GABRG3: variants seen among roughly 807,000 people sequenced by gnomAD.
GABRG3 encodes the protein gamma-aminobutyric acid type A receptor subunit gamma3, also known as gamma-aminobutyric acid receptor subunit gamma-3.
Under a neutral mutation model 48.8 loss-of-function variants are expected in GABRG3, and 25 were observed. The observed-to-expected ratio is 0.51, with a 90% CI of 0.37 to 0.72. GABRG3 has a LOEUF of 0.72. Ranked by LOEUF, GABRG3 falls within the 30% of genes least tolerant of loss-of-function variation. The pLI, the probability that GABRG3 is intolerant of heterozygous loss-of-function variation, is 0.00. For missense variants in GABRG3, 394 were observed against 577.9 expected (o/e 0.68, Z 3.26); for synonymous variants, 227 against 217.6 (o/e 1.04, Z -0.38).
intron 3 of GABRG3, among the ~76,000 whole-genome samples, chr15:27,116,256 G>A (rs1258187568): frequency 6.6e-6 from 1 of 152,138 alleles, no homozygotes; most frequent in Non-Finnish European, 1.5e-5. Flanking sequence ...GAACCTAGCT[G>A]GACTCAGAGG....
Position 27,308,631 on chromosome 15 carries a change from A to C in GABRG3, c.271-18178A>C, listed in dbSNP as rs575554974. ...TAAACATACGCTTATATATAAACATATAATGTAAACATACGCTTATGTATA... is the reference window on the plus strand; with the variant it reads ...TAAACATACGCTTATATATAAACATCTAATGTAAACATACGCTTATGTATA... On this transcript the variant is annotated intron_variant, in intron 3 of 9. Coordinates refer to ENST00000615808, the MANE Select transcript of GABRG3 (RefSeq NM_033223.5). 1.1e-4 allele frequency among the ~76,000 whole-genome samples: 5 copies of C among 45,190 alleles called. No homozygotes were observed. In the East Asian group the frequency reaches 1.3e-3, roughly 12 times the overall value. The allele number at this position is 45,190 out of a possible 152,430, so 29.6% of individuals were successfully genotyped here. A position where few individuals can be genotyped will look rare whatever the true frequency, so the allele number is the denominator to read the frequency against.
Position 27,399,066 on chromosome 15 carries a change from T to C in GABRG3, c.574+70178T>C, listed in dbSNP as rs145544820. On this transcript the variant is annotated intron_variant, in intron 5 of 9. Coordinates refer to ENST00000615808, the MANE Select transcript of GABRG3 (RefSeq NM_033223.5). ...TTGAAAATTGAGCATGGCAGACCTT[T>C]CCTCTCATCCACAAATCTAAATGAA... Among the ~76,000 whole-genome samples, 583 of 152,258 alleles carry C rather than the reference T, an allele frequency of 3.8e-3. 6 individuals carry two copies. Among genetic ancestry groups the C allele is most frequent in the African/African-American group, 0.013 (546 of 41,558 alleles).
At position 27,388,258 on chromosome 15, in the gene GABRG3, GA is replaced by G. The variant is rs1163078516; in HGVS notation, c.574+59373del. Among the ~76,000 whole-genome samples the G allele has an allele frequency of 1.7e-3, 97 of 57,068 alleles. 7 individuals are homozygous for G. Among genetic ancestry groups the G allele is most frequent in the East Asian group, 5.9e-3 (6 of 1,010 alleles). 37.4% of individuals were successfully genotyped at this position (57,068 alleles called of 152,430 possible). A position where few individuals can be genotyped will look rare whatever the true frequency, so the allele number is the denominator to read the frequency against. ...GGAGGGAGGGAGGAAAGGAAGGAAG[GA>G]AAGGAGGGAGGGAGGGTAAGGAAGG... On this transcript the variant is annotated intron_variant, in intron 5 of 9. Coordinates refer to ENST00000615808, the MANE Select transcript of GABRG3 (RefSeq NM_033223.5).
chr15:26,996,052 A>AT lies in GABRG3; in HGVS notation c.202+18906dup, dbSNP rs1895334522. 2.6e-5 allele frequency among the ~76,000 whole-genome samples: 4 copies of AT among 152,156 alleles called. No homozygotes were observed. The Middle Eastern group carries it at 0.014, about 518-fold the overall frequency. ...TTGTTAGATATATGTAGTTAAATATATTTTATTATTGTTAAATATATTACT... is the reference window on the plus strand; with the variant it reads ...TTGTTAGATATATGTAGTTAAATATATTTTTATTATTGTTAAATATATTACT... On this transcript the variant is annotated intron_variant, in intron 2 of 9. Coordinates refer to ENST00000615808, the MANE Select transcript of GABRG3 (RefSeq NM_033223.5).
At chr15:27,499,843 G>C (rs1331701421) in intron 6 of GABRG3, among the ~76,000 whole-genome samples, 1 of 152,240 alleles carries the variant, frequency 6.6e-6, no homozygotes, top group Non-Finnish European at 1.5e-5. Flanking sequence ...CTCACCCCAG[G>C]AGTCAAGAAA....
chr15:27,099,655 A>G (rs969118027), intron 3 of GABRG3, among the ~76,000 whole-genome samples: 1 of 152,094 alleles, frequency 6.6e-6, no homozygotes, highest in Non-Finnish European at 1.5e-5. Context: ...TCATGTTGTA[A>G]TATCCAGAGC....
chr15:27,459,768 C>T (rs1889393935), intron 5 of GABRG3, among the ~76,000 whole-genome samples: 1 of 152,184 alleles, frequency 6.6e-6, no homozygotes, highest in Admixed American at 6.5e-5. Flanking sequence ...ACCCACACTT[C>T]CTTGTAAGTA....
At chr15:27,497,536 T>TAAA (rs1890516053) in intron 6 of GABRG3, among the ~76,000 whole-genome samples, 1 of 152,204 alleles carries the variant, frequency 6.6e-6, no homozygotes, top group Non-Finnish European at 1.5e-5. Flanking sequence ...TTTGCCTTAT[T>TAAA]TTACTGAATG....
In GABRG3 at chr15:27,351,987, GGT is replaced by G. The variant is rs557013854; in HGVS notation, c.574+23110_574+23111del. Among the ~76,000 whole-genome samples the G allele has an allele frequency of 3.8e-4, 57 of 149,168 alleles. 1 individual carries two copies. The highest frequency in any genetic ancestry group is 1.0e-3 in the African/African-American group (42 of 40,474). On this transcript the variant is annotated intron_variant, in intron 5 of 9. Coordinates refer to ENST00000615808, the MANE Select transcript of GABRG3 (RefSeq NM_033223.5). ...GTATGTCTGTATAATGTGTGTGTAT[GGT>G]GTGTGTGTGTATATATGATGTGTGG...
chr15:27,020,030 GCACC>G (rs376835877), intron 2 of GABRG3, among the ~76,000 whole-genome samples: 41 of 152,208 alleles, frequency 2.7e-4, no homozygotes, highest in African/African-American at 9.4e-4. Flanking sequence ...AATTTACTGA[GCACC>G]CACTATTTAC....
At chr15:27,218,590 T>A (rs1021223337) in intron 3 of GABRG3, among the ~76,000 whole-genome samples, 3 of 152,156 alleles carry the variant, frequency 2.0e-5, no homozygotes, top group Non-Finnish European at 4.4e-5. Context: ...TCGGTTCCCA[T>A]CTGTCTGACT....
intron 5 of GABRG3, among the ~76,000 whole-genome samples, chr15:27,427,526 C>T (rs1888327860): frequency 6.6e-6 from 1 of 152,164 alleles, no homozygotes; most frequent in Non-Finnish European, 1.5e-5. Context: ...TCATGTAGGC[C>T]TGACACAGAA....
chr15:27,135,267 G>T (rs1163898735), intron 3 of GABRG3, among the ~76,000 whole-genome samples: 3 of 152,178 alleles, frequency 2.0e-5, no homozygotes, highest in Non-Finnish European at 4.4e-5. Flanking sequence ...ACTAGGAACT[G>T]ATCTTAATCA....
At chr15:27,105,825 C>A (rs1897440036) in intron 3 of GABRG3, among the ~76,000 whole-genome samples, 1 of 152,080 alleles carries the variant, frequency 6.6e-6, no homozygotes, top group African/African-American at 2.4e-5. Context: ...TATCTGCTTT[C>A]CCATGCTCAT....
chr15:27,463,340 G>A (rs1356496032), intron 5 of GABRG3, among the ~76,000 whole-genome samples: 1 of 152,164 alleles, frequency 6.6e-6, no homozygotes, highest in Non-Finnish European at 1.5e-5. Context: ...GGAAAGATTT[G>A]ATATTGCAAA....
intron 9 of GABRG3, among the ~76,000 whole-genome samples, chr15:27,529,334 A>G (rs1891358718): frequency 6.6e-6 from 1 of 152,352 alleles, no homozygotes; most frequent in African/African-American, 2.4e-5. Flanking sequence ...ATATTTTTAA[A>G]TTAATGATGT....
intron 3 of GABRG3, among the ~76,000 whole-genome samples, chr15:27,138,809 T>C (rs2140388181): frequency 6.6e-6 from 1 of 152,348 alleles, no homozygotes; most frequent in East Asian, 1.9e-4. Context: ...TTATCCATTG[T>C]CCTGTTTTTC....
chr15:26,983,784 A>G (rs1259036396), intron 2 of GABRG3, among the ~76,000 whole-genome samples: 1 of 152,160 alleles, frequency 6.6e-6, no homozygotes, highest in African/African-American at 2.4e-5. Context: ...TAAAAGGAAA[A>G]TAATTTTAAA....
chr15:27,341,084 G>T, intron 5 of GABRG3: 1 of 395,960 alleles, frequency 2.5e-6, no homozygotes, highest in South Asian at 2.0e-5. Context: ...AGCCAGGTCA[G>T]CAACTCTTCC....
Sources: gnomAD v4.1 joint callset for allele counts (sites outside exome capture counted in the v4.1 genomes callset) on GRCh38, gnomAD v4.1.1 for gene constraint, MANE v1.5 for transcripts, NCBI Gene and HGNC (gene_info 2026-07-23, HGNC 2026-07-21) for gene names.